CDKL1: variants seen among roughly 807,000 people sequenced by gnomAD.
CDKL1 encodes cyclin-dependent kinase-like 1.
Under a neutral mutation model 42.0 loss-of-function variants are expected in CDKL1, and 41 were observed. That is an observed-to-expected ratio of 0.98 (90% confidence interval 0.76 to 1.27). The LOEUF is 1.27. Ranked by LOEUF, CDKL1 falls within the 50% of genes most tolerant of loss-of-function variation. The probability of loss-of-function intolerance (pLI) is 0.00; values close to 1 mark genes in which losing one functional copy is unlikely to be tolerated. For synonymous variants in CDKL1, 153 were observed against 158.6 expected (o/e 0.96, Z 0.26); for missense variants, 394 against 428.4 (o/e 0.92, Z 0.71).
intron 3 of CDKL1, among the ~76,000 whole-genome samples, chr14:50,347,914 C>T (rs761857986): frequency 2.0e-5 from 3 of 152,166 alleles, no homozygotes; most frequent in Non-Finnish European, 4.4e-5. Context: ...AGACAACACT[C>T]AGGAGAATAC....
At chr14:50,370,041 A>T (rs1370114188) in intron 2 of CDKL1, among the ~76,000 whole-genome samples, 1 of 152,032 alleles carries the variant, frequency 6.6e-6, no homozygotes, top group Non-Finnish European at 1.5e-5. Flanking sequence ...TTTTGTGGTA[A>T]GAACATTTGA....
chr14:50,363,818 G>A (rs1368190856), intron 2 of CDKL1: 1 of 152,248 alleles, frequency 6.6e-6, no homozygotes, highest in African/African-American at 2.4e-5. Context: ...AAGGCCCAAA[G>A]GTCCTCTCCA....
chr14:50,368,822 G>A (rs1238289965), intron 2 of CDKL1, among the ~76,000 whole-genome samples: 1 of 145,742 alleles, frequency 6.9e-6, no homozygotes, highest in Non-Finnish European at 1.5e-5. Context: ...TGCTTGGCCT[G>A]TTTAGCCCAT....
At chr14:50,365,986 T>G (rs935181297) in intron 2 of CDKL1, among the ~76,000 whole-genome samples, 1 of 152,230 alleles carries the variant, frequency 6.6e-6, no homozygotes, top group Admixed American at 6.5e-5. Flanking sequence ...AAGGCTACAC[T>G]GATGGCTTCC....
At chr14:50,390,426 AG>A in intron 2 of CDKL1, 1 of 1,318,644 alleles carries the variant, frequency 7.6e-7, no homozygotes, top group Non-Finnish European at 1.0e-6. Context: ...CACAGAGAGA[AG>A]GTTCAGCAGC....
At chr14:50,362,916 C>T (rs1221364510) in intron 2 of CDKL1, 1 of 455,496 alleles carries the variant, frequency 2.2e-6, no homozygotes, top group East Asian at 7.1e-5. Flanking sequence ...ACTGTGGAAG[C>T]TTTGTTCTTT....
intron 2 of CDKL1, among the ~76,000 whole-genome samples, chr14:50,380,404 C>T (rs1260132206): frequency 1.3e-5 from 2 of 152,200 alleles, no homozygotes; most frequent in African/African-American, 4.8e-5. Context: ...TTTCCTGGAA[C>T]TGATATACAC....
Position 50,346,184 on chromosome 14 carries a change from C to T in CDKL1, c.291-1126G>A, listed in dbSNP as rs188719944. On this transcript the variant is annotated intron_variant, in intron 3 of 9. Coordinates refer to ENST00000395834, the MANE Select transcript of CDKL1 (RefSeq NM_004196.7). ...AAGGCCACTGTTGTCACAGGCCAGA[C>T]GTTCAGGAAATCCTTTCAAGCAGAT... Among the ~76,000 whole-genome samples, 7 of 152,072 alleles carry T rather than the reference C, an allele frequency of 4.6e-5. No homozygotes were observed. In the East Asian group the frequency reaches 1.4e-3, roughly 29 times the overall value.
At chr14:50,363,541 T>G (rs573857497) in intron 2 of CDKL1, among the ~76,000 whole-genome samples, 6 of 151,934 alleles carry the variant, frequency 3.9e-5, no homozygotes, top group Admixed American at 3.9e-4. Flanking sequence ...ATAATCATCC[T>G]TAGGCTTTAC....
chr14:50,394,710 G>A (rs1344622526), intron 2 of CDKL1, among the ~76,000 whole-genome samples: 3 of 152,294 alleles, frequency 2.0e-5, no homozygotes, highest in Middle Eastern at 3.4e-3. Context: ...TTCACATTGC[G>A]ATTTGGATTT....
intron 3 of CDKL1, 133 bp downstream of exon 3, chr14:50,358,895 C>T: frequency 1.2e-6 from 1 of 807,118 alleles, no homozygotes; most frequent in Non-Finnish European, 2.0e-6. Flanking sequence ...CCGTCTAGGC[C>T]TCCCAAAGTG....
At chr14:50,372,747 T>C (rs2139492691) in intron 2 of CDKL1, among the ~76,000 whole-genome samples, 1 of 152,336 alleles carries the variant, frequency 6.6e-6, no homozygotes, top group Admixed American at 6.5e-5. Context: ...GTTCTGCATG[T>C]GGACATCCAG....
intron 2 of CDKL1, among the ~76,000 whole-genome samples, chr14:50,366,757 CAG>C (rs1382170319): frequency 6.6e-6 from 1 of 150,836 alleles, no homozygotes; most frequent in Non-Finnish European, 1.5e-5. Context: ...AGGTGAGGGA[CAG>C]GGGAGAAGGA....
chr14:50,332,342 A>G lies in CDKL1; in HGVS notation c.886T>C (p.Leu296=). The change falls in exon 9 of 10, where the codon TTG becomes CTG. Residue 296 remains leucine, a synonymous_variant. Transcript: ENST00000395834. ...GTTGGTTTGTTGTGTTCTTTTGCCA[A>G]ATCCTCTATTTCTCTGATGTTTTCA... The part of the protein sequence containing the change: ...YFENIREIED[L]AKEHNKPTRK... 1 of 1,614,142 alleles carries G rather than the reference A, an allele frequency of 6.2e-7. No homozygotes were observed. Among genetic ancestry groups the G allele is most frequent in the Non-Finnish European group, 8.5e-7 (1 of 1,180,010 alleles).
chr14:50,339,535 AGGGAG>A (rs537105380), intron 6 of CDKL1, among the ~76,000 whole-genome samples: 14 of 13,824 alleles, frequency 1.0e-3, no homozygotes, highest in East Asian at 7.9e-3. Flanking sequence ...AGAGGGAGGG[AGGGAG>A]GGGAGGGGAG....
intron 3 of CDKL1, 53 bp downstream of exon 3, chr14:50,358,975 G>C: frequency 3.2e-6 from 5 of 1,568,346 alleles, no homozygotes; most frequent in Non-Finnish European, 3.5e-6. Context: ...GCCACTTTTC[G>C]CTCACAAATC....
At chr14:50,375,795 T>C (rs139931637) in intron 2 of CDKL1, among the ~76,000 whole-genome samples, 250 of 150,026 alleles carry the variant, frequency 1.7e-3, no homozygotes, top group African/African-American at 5.9e-3. Context: ...AGACTCCATC[T>C]CAAAAAAAAA....
At chr14:50,374,601 C>T (rs900415446) in intron 2 of CDKL1, among the ~76,000 whole-genome samples, 6 of 152,182 alleles carry the variant, frequency 3.9e-5, no homozygotes, top group Admixed American at 3.3e-4. Flanking sequence ...GATTTGTGAG[C>T]TAATCCCATC....
At chr14:50,339,738 A>G (rs1390546788) in intron 6 of CDKL1, among the ~76,000 whole-genome samples, 1 of 152,140 alleles carries the variant, frequency 6.6e-6, no homozygotes, top group Non-Finnish European at 1.5e-5. Context: ...AGGGGACTCT[A>G]GGAAGCTCCT....
Sources: allele counts gnomAD v4.1 joint callset (sites outside exome capture counted in the v4.1 genomes callset), GRCh38; gene constraint gnomAD v4.1.1; transcripts MANE v1.5; gene names NCBI Gene and HGNC (gene_info 2026-07-23, HGNC 2026-07-21).